Variants in GBP4 observed in about 807,000 individuals in gnomAD.
The protein encoded by GBP4 is guanylate binding protein 4.
In GBP4, 69 loss-of-function variants were observed where a neutral mutation model predicts 62.2. The observed-to-expected ratio is 1.11, with a 90% CI of 0.91 to 1.36. The LOEUF is 1.36. Ranked by LOEUF, GBP4 falls within the 40% of genes most tolerant of loss-of-function variation. GBP4 has a pLI of 0.00. For synonymous variants in GBP4, 278 were observed against 274.6 expected (o/e 1.01, Z -0.12); for missense variants, 697 against 759.3 (o/e 0.92, Z 0.96).
chr1:89,186,637 G>A (rs1468226848), intron 9 of GBP4, 111 bp from the exon 10 acceptor site: 1 of 947,498 alleles, frequency 1.1e-6, no homozygotes, highest in South Asian at 1.8e-5. Context: ...TGAGGGATTG[G>A]GAATCTCTGA....
At position 89,185,076 on chromosome 1, in the gene GBP4, TAA is replaced by T. The variant is rs1356862446; in HGVS notation, c.*176_*177del. On this transcript the variant is annotated 3_prime_UTR_variant, in exon 11 of 11. Coordinates refer to ENST00000355754, the MANE Select transcript of GBP4 (RefSeq NM_052941.5). ...TATAAATTATTAGTTCAATCAAAATTAAGTTTGTTTTTTGTGGATGTCAGGCC... is the reference window on the plus strand; with the variant it reads ...TATAAATTATTAGTTCAATCAAAATTGTTTGTTTTTTGTGGATGTCAGGCC... The T allele has an allele frequency of 2.1e-5, 10 of 484,540 alleles. No homozygotes were observed. The highest frequency in any genetic ancestry group is 3.3e-5 in the East Asian group (1 of 30,666). 30.0% of individuals were successfully genotyped at this position (484,540 alleles called of 1,614,324 possible). A position where few individuals can be genotyped will look rare whatever the true frequency, so the allele number is the denominator to read the frequency against.
rs1276136643 is a variant in GBP4, at chr1:89,196,898, T to C, written c.235+212A>G. On this transcript the variant is annotated intron_variant, in intron 2 of 10. Coordinates refer to ENST00000355754, the MANE Select transcript of GBP4 (RefSeq NM_052941.5). ...GCATAGATGGGATGAAGAAGACCCA[T>C]GGAACGGATCTTTCGATAGGGTTGA... is the stretch of plus-strand genomic sequence containing the variant. Among the ~76,000 whole-genome samples the C allele has an allele frequency of 2.6e-5, 4 of 152,368 alleles. No individual in the cohort carries two copies. In the East Asian group the frequency reaches 7.7e-4, roughly 29 times the overall value.
In GBP4 at chr1:89,185,427, CA is replaced by C. The variant is rs758086175; in HGVS notation, c.1749del (p.Glu584SerfsTer3). The C allele has an allele frequency of 6.4e-7, 1 of 1,574,040 alleles. No individual in the cohort carries two copies. Among genetic ancestry groups the C allele is most frequent in the South Asian group, 1.1e-5 (1 of 90,030 alleles). On this transcript the variant is annotated frameshift_variant, in exon 11 of 11. Transcript: ENST00000355754. LOFTEE classifies it low-confidence loss of function (END_TRUNC). ...TGATTAATCTCTTTATTTAACTGCT[CA>C]GATTTCTTTTGAAATTCTTCCTTAA... ...EMLKEEFQKKSEQLNKEINQL... is the reference protein window; with the variant it reads ...EMLKEEFQKKXEQLNKEINQL...
Position 89,188,522 on chromosome 1 carries a change from G to C in GBP4, c.1410+60C>G, listed in dbSNP as rs140586045. On this transcript the variant is annotated intron_variant, in intron 8 of 10. Transcript: ENST00000355754. ...TGCTATATTCTTAGATTTTCAGAAG[G>C]GGCAACAAAAACCCTCTGACTATCC... 1.3e-3 allele frequency: 1,735 copies of C among 1,340,754 alleles called. 19 individuals are homozygous for C. In the African/African-American group the frequency reaches 0.02, roughly 16 times the overall value. The allele number at this position is 1,340,754 out of a possible 1,614,324, so 83.1% of individuals were successfully genotyped here.
intron 8 of GBP4, among the ~76,000 whole-genome samples, chr1:89,187,814 T>C (rs1436098703): frequency 1.3e-5 from 2 of 152,170 alleles, no homozygotes; most frequent in East Asian, 1.9e-4. Context: ...AGAATGATAA[T>C]TATCCAATAG....
chr1:89,195,204 T>C (rs1648297322), intron 3 of GBP4, 93 bp downstream of exon 3: 1 of 1,268,536 alleles, frequency 7.9e-7, no homozygotes, highest in Admixed American at 2.2e-5. Flanking sequence ...TAATTAGATT[T>C]GAGTTTACAG....
At position 89,190,158 on chromosome 1, in the gene GBP4, G is replaced by A. The variant is rs750221101; in HGVS notation, c.1077C>T (p.Leu359=). ...YSQQMAQQLR[L]PTDTLQELLD... Reference sequence around the variant, plus strand: ...GCAGCTCCTGGAGCGTGTCTGTGGGGAGCCTCAGTTGCTGGGCCATCTGCT... The same window carrying A: ...GCAGCTCCTGGAGCGTGTCTGTGGGAAGCCTCAGTTGCTGGGCCATCTGCT... The change falls in exon 7 of 11, where the codon CTC becomes CTT. Residue 359 remains leucine, a synonymous_variant. Coordinates refer to ENST00000355754, the MANE Select transcript of GBP4 (RefSeq NM_052941.5). 17 of 1,614,040 alleles carry A rather than the reference G, an allele frequency of 1.1e-5. No individual in the cohort carries two copies. In the East Asian group the frequency reaches 2.2e-4, roughly 21 times the overall value.
chr1:89,186,451 A>G lies in GBP4; in HGVS notation c.1589T>C (p.Met530Thr), dbSNP rs746588630. ...LREKQKEQQQ[M>T]MEAQERSFQE... ...GAAGCTTCTCTCTTGAGCCTCCATCATTTGCTGCTGCTCCTTCTGTTTTTC... is the reference window on the plus strand; with the variant it reads ...GAAGCTTCTCTCTTGAGCCTCCATCGTTTGCTGCTGCTCCTTCTGTTTTTC... The change falls in exon 10 of 11, where the codon ATG (methionine) becomes ACG (threonine). Residue 530 changes from methionine (M) to threonine (T), a missense_variant. This residue lies in a region of GBP4 where 141 missense variants were observed against 196.6 expected (regional missense o/e 0.72). Transcript: ENST00000355754. The G allele has an allele frequency of 1.9e-6, 3 of 1,613,448 alleles. No homozygotes were observed. The highest frequency in any genetic ancestry group is 2.7e-5 in the African/African-American group (2 of 74,864).
At chr1:89,190,408 T>G in intron 6 of GBP4, 90 bp from the exon 7 acceptor site, 1 of 1,188,798 alleles carries the variant, frequency 8.4e-7, no homozygotes, top group Non-Finnish European at 1.2e-6. Context: ...TTACAAAAAT[T>G]CTAATTATCT....
In GBP4 at chr1:89,182,904, T is replaced by C. The variant is rs930091120; in HGVS notation, c.*2350A>G. On this transcript the variant is annotated 3_prime_UTR_variant, in exon 11 of 11. Transcript: ENST00000355754. ...CTGAGTATCAAACAATATAAAACAA[T>C]ATAAGAAGGTCTCTCTCTTCCCTCA... 6.6e-6 allele frequency: 1 copy of C among 152,156 alleles called. No individual in the cohort carries two copies. The highest frequency in any genetic ancestry group is 1.5e-5 in the Non-Finnish European group (1 of 68,022). The allele number at this position is 152,156 out of a possible 1,614,324, so 9.4% of individuals were successfully genotyped here.
Position 89,191,427 on chromosome 1 carries a change from G to A in GBP4, c.750C>T (p.Val250=), listed in dbSNP as rs1223147190. The A allele has an allele frequency of 1.9e-6, 3 of 1,614,102 alleles. No homozygotes were observed. The highest frequency in any genetic ancestry group is 3.3e-5 in the Admixed American group (2 of 60,014). The change falls in exon 6 of 11, where the codon GTC becomes GTT. Residue 250 remains valine, a synonymous_variant. Transcript: ENST00000355754. ...GCTTGTCATTTGTAGGCCGGTCAAA[G>A]ACAAAGCACTTCCGTTTTCGGAAGA... ...RHFFRKRKCF[V]FDRPTNDKQY...
In GBP4 at chr1:89,191,381, C is replaced by A. The variant is rs766566761; in HGVS notation, c.796G>T (p.Glu266Ter). 1.2e-6 allele frequency: 2 copies of A among 1,614,170 alleles called. No individual in the cohort carries two copies. The highest frequency in any genetic ancestry group is 4.5e-5 in the East Asian group (2 of 44,886). ...NDKQYLNHMD[E>*]VPEENLERHF... is the part of the protein sequence containing the mutation. Reference sequence around the variant, plus strand: ...CTTTCCAGATTTTCTTCTGGCACTTCGTCCATATGATTTAAATATTGCTTG... The same window carrying A: ...CTTTCCAGATTTTCTTCTGGCACTTAGTCCATATGATTTAAATATTGCTTG... Residue 266 changes from glutamate (E) to a stop codon, truncating the protein, a stop_gained, in exon 6 of 11, where the codon GAA becomes TAA. Coordinates refer to ENST00000355754, the MANE Select transcript of GBP4 (RefSeq NM_052941.5). LOFTEE classifies it high-confidence loss of function.
chr1:89,183,368 G>A lies in GBP4; in HGVS notation c.*1886C>T, dbSNP rs1647943437. 1 of 152,010 alleles carries A rather than the reference G, an allele frequency of 6.6e-6. No individual in the cohort carries two copies. The highest frequency in any genetic ancestry group is 6.6e-5 in the Admixed American group (1 of 15,262). 9.4% of individuals were successfully genotyped at this position (152,010 alleles called of 1,614,324 possible). ...GCCATATGCAGAAGATTGAAACTGG[G>A]CCCCCAGCTTACTCTGCATACAAAA... On this transcript the variant is annotated 3_prime_UTR_variant, in exon 11 of 11. Coordinates refer to ENST00000355754, the MANE Select transcript of GBP4 (RefSeq NM_052941.5).
intron 6 of GBP4, 42 bp downstream of exon 6, chr1:89,191,219 T>C (rs987220204): frequency 2.5e-6 from 4 of 1,602,534 alleles, no homozygotes; most frequent in Non-Finnish European, 2.6e-6. Context: ...CAACACATCC[T>C]GGACCACAGA....
intron 3 of GBP4, 46 bp from the exon 4 acceptor site, chr1:89,193,458 C>CATTCATTT: frequency 6.8e-7 from 1 of 1,461,266 alleles, no homozygotes; most frequent in Middle Eastern, 1.7e-4. Flanking sequence ...TCTCTTCATT[C>CATTCATTT]ATTCATTCAT....
At chr1:89,194,215 C>A (rs1381763222) in intron 3 of GBP4, among the ~76,000 whole-genome samples, 1 of 152,028 alleles carries the variant, frequency 6.6e-6, no homozygotes, top group Non-Finnish European at 1.5e-5. Flanking sequence ...AGTGAGTATG[C>A]ATGTTGGTGA....
rs375720065 is a variant in GBP4, at chr1:89,196,712, C to T, written c.235+398G>A. Reference sequence around the variant, plus strand: ...GGTAGCCCAATTTAAATAGAGGATACACAAGAATTATAATGCCTGTCCTTC... The same window carrying T: ...GGTAGCCCAATTTAAATAGAGGATATACAAGAATTATAATGCCTGTCCTTC... On this transcript the variant is annotated intron_variant, in intron 2 of 10. Coordinates refer to ENST00000355754, the MANE Select transcript of GBP4 (RefSeq NM_052941.5). Among the ~76,000 whole-genome samples the T allele has an allele frequency of 2.6e-3, 390 of 152,270 alleles. 2 individuals are homozygous for T. The highest frequency in any genetic ancestry group is 3.4e-3 in the Middle Eastern group (1 of 294).
At position 89,188,683 on chromosome 1, in the gene GBP4, A is replaced by C; in HGVS notation, c.1309T>G (p.Leu437Val). ...RLSEHLTESI[L>V]RGIFSVPGGH... ...CCAGGAACAGAGAAAATTCCTCTCA[A>C]AATGCTTTCTGTCAGGTGCTCTGAA... The change falls in exon 8 of 11, where the codon TTG becomes GTG. Residue 437 changes from leucine to valine, a missense_variant. Physicochemically the swap from Leu to Val is conservative, Grantham distance 32. Coordinates refer to ENST00000355754, the MANE Select transcript of GBP4 (RefSeq NM_052941.5). 7 of 1,614,210 alleles carry C rather than the reference A, an allele frequency of 4.3e-6. No individual in the cohort carries two copies. The highest frequency in any genetic ancestry group is 5.9e-6 in the Non-Finnish European group (7 of 1,180,032).
chr1:89,196,738 T>G (rs1648352409), intron 2 of GBP4, among the ~76,000 whole-genome samples: 1 of 152,228 alleles, frequency 6.6e-6, no homozygotes, highest in African/African-American at 2.4e-5. Context: ...CCTGTCCTTC[T>G]TCATATTTAT....
Sources: gnomAD v4.1 joint callset for allele counts (sites outside exome capture counted in the v4.1 genomes callset) on GRCh38, gnomAD v4.1.1 for gene constraint, gnomAD v4.1.1 regional missense constraint, MANE v1.5 for transcripts, NCBI Gene and HGNC (gene_info 2026-07-23, HGNC 2026-07-21) for gene names.